ESRRG: variants seen among roughly 807,000 people sequenced by gnomAD.
ESRRG encodes the protein estrogen-related receptor gamma.
Under a neutral mutation model 44.0 loss-of-function variants are expected in ESRRG, and 13 were observed. The observed-to-expected ratio is 0.30, with a 90% CI of 0.19 to 0.47. The LOEUF (loss-of-function observed/expected upper bound fraction) is 0.47, where lower values mean the gene tolerates loss of function less well. Ranked by LOEUF, ESRRG falls within the 20% of genes least tolerant of loss-of-function variation. The probability of loss-of-function intolerance (pLI) is 1.00; values close to 1 mark genes in which losing one functional copy is unlikely to be tolerated. For synonymous variants in ESRRG, 215 were observed against 214.6 expected, an observed-to-expected ratio of 1.00 and a Z score of -0.02; for missense variants, 395 against 580.6, an observed-to-expected ratio of 0.68 and a Z score of 3.29.
intron 2 of ESRRG, among the ~76,000 whole-genome samples, chr1:216,793,382 T>G (rs538862974): frequency 6.6e-6 from 1 of 152,178 alleles, no homozygotes; most frequent in African/African-American, 2.4e-5. Flanking sequence ...TAAAAGACAC[T>G]GCAACTTCTG....
rs11811887 is a variant in ESRRG, at chr1:216,773,835, C to A, written c.-13-96344G>T. Among the ~76,000 whole-genome samples, 343 of 152,128 alleles carry A rather than the reference C, an allele frequency of 2.3e-3. 2 individuals are homozygous for A. Among genetic ancestry groups the A allele is most frequent in the African/African-American group, 7.7e-3 (320 of 41,508 alleles). On this transcript the variant is annotated intron_variant, in intron 2 of 7. Coordinates refer to the ESRRG transcript ENST00000359162. ...AATGAGAAGGCCTTTATAAATCAGG[C>A]AGTACAGCCCCTGATGGGTTCCTTG...
chr1:217,126,392 T>C (rs189516973), intron 1 of ESRRG, among the ~76,000 whole-genome samples: 390 of 152,300 alleles, frequency 2.6e-3, no homozygotes, highest in African/African-American at 9.0e-3. Context: ...AGTGGTACAG[T>C]GCAGAAAGGT....
rs191667252 is a variant in ESRRG, at chr1:216,776,450, A to G, written c.-13-98959T>C. On this transcript the variant is annotated intron_variant, in intron 2 of 7. Coordinates refer to the ESRRG transcript ENST00000359162. ...CTAGCCCTGTTCTAGCACTTACCAC[A>G]CTATCATAATCGCCTGTTCATGGGT... 9.6e-4 allele frequency among the ~76,000 whole-genome samples: 146 copies of G among 152,016 alleles called. 4 individuals are homozygous for G. Among genetic ancestry groups the G allele is most frequent in the Admixed American group, 9.5e-3 (145 of 15,246 alleles).
intron 2 of ESRRG, among the ~76,000 whole-genome samples, chr1:216,667,367 T>A (rs1465042001): frequency 6.6e-6 from 1 of 152,144 alleles, no homozygotes; most frequent in Non-Finnish European, 1.5e-5. Flanking sequence ...AGGTACTTTA[T>A]AAGTTCTGTT....
At chr1:216,568,163 TA>T (rs2060020084) in intron 3 of ESRRG, 65 bp from the exon 4 acceptor site, 1 of 1,086,568 alleles carries the variant, frequency 9.2e-7, no homozygotes, top group African/African-American at 1.5e-5. Flanking sequence ...ATCAAATACC[TA>T]GATGGTATCC....
At chr1:216,682,855 C>T (rs1193337275) in intron 1 of ESRRG, among the ~76,000 whole-genome samples, 1 of 151,968 alleles carries the variant, frequency 6.6e-6, no homozygotes, top group African/African-American at 2.4e-5. Flanking sequence ...ACTTCAAGCA[C>T]GCTACTTTAC....
At chr1:216,646,772 G>GA (rs1411045740) in intron 3 of ESRRG, among the ~76,000 whole-genome samples, 3 of 152,086 alleles carry the variant, frequency 2.0e-5, no homozygotes, top group Non-Finnish European at 2.9e-5. Context: ...TAAGGCAAAG[G>GA]AAAAAGCACA....
intron 2 of ESRRG, among the ~76,000 whole-genome samples, chr1:216,889,572 C>T (rs778107011): frequency 1.3e-5 from 2 of 152,206 alleles, no homozygotes; most frequent in Non-Finnish European, 2.9e-5. Context: ...ACCCATCGTG[C>T]ACCATACTCT....
In ESRRG at chr1:216,866,254, G is replaced by A. The variant is rs2576243; in HGVS notation, c.-14+73328C>T. ...GTACATACATACACACATTTTATTGGACAGTGTAGTAAGTGACCACAGTTG... is the reference window on the plus strand; with the variant it reads ...GTACATACATACACACATTTTATTGAACAGTGTAGTAAGTGACCACAGTTG... On this transcript the variant is annotated intron_variant, in intron 2 of 7. Transcript: ENST00000359162. Among the ~76,000 whole-genome samples, 689 of 152,180 alleles carry A rather than the reference G, an allele frequency of 4.5e-3. 9 individuals carry two copies. The highest frequency in any genetic ancestry group is 0.016 in the African/African-American group (661 of 41,526).
Position 217,109,041 on chromosome 1 carries a change from T to C in ESRRG, c.-230+28626A>G, listed in dbSNP as rs565090584. Reference sequence around the variant, plus strand: ...ATCGCATGGGCACATGTGTTGAAACTGTGGTATCTGATAGCCCATCCACAA... The same window carrying C: ...ATCGCATGGGCACATGTGTTGAAACCGTGGTATCTGATAGCCCATCCACAA... On this transcript the variant is annotated intron_variant, in intron 1 of 8. Coordinates refer to the ESRRG transcript ENST00000366940. 8.5e-5 allele frequency among the ~76,000 whole-genome samples: 13 copies of C among 152,230 alleles called. No individual in the cohort carries two copies. The East Asian group carries it at 2.5e-3, about 29-fold the overall frequency.
chr1:216,618,954 C>T (rs1359037947), intron 3 of ESRRG, among the ~76,000 whole-genome samples: 6 of 152,230 alleles, frequency 3.9e-5, no homozygotes, highest in Non-Finnish European at 8.8e-5. Context: ...GATTTACTGG[C>T]AAATACATCC....
At chr1:216,666,376 A>C (rs2073931896) in intron 2 of ESRRG, among the ~76,000 whole-genome samples, 2 of 152,232 alleles carry the variant, frequency 1.3e-5, no homozygotes, top group South Asian at 4.1e-4. Flanking sequence ...CATATGTACA[A>C]AAACATGCAT....
chr1:217,118,763 C>T (rs748924774), intron 1 of ESRRG, among the ~76,000 whole-genome samples: 5 of 151,838 alleles, frequency 3.3e-5, no homozygotes, highest in South Asian at 2.1e-4. Context: ...AGGCCAAGGC[C>T]GGAGGATCAC....
chr1:216,951,205 C>A (rs1405225654), intron 1 of ESRRG, among the ~76,000 whole-genome samples: 1 of 152,104 alleles, frequency 6.6e-6, no homozygotes, highest in African/African-American at 2.4e-5. Context: ...ATTTATAGCC[C>A]AATAAACTAT....
chr1:216,527,586 AT>A (rs2048057507), intron 5 of ESRRG, among the ~76,000 whole-genome samples: 1 of 151,928 alleles, frequency 6.6e-6, no homozygotes, highest in Admixed American at 6.6e-5. Context: ...AAGTGAGCTC[AT>A]TTTCCTAATC....
At chr1:217,053,404 G>A (rs1183238573) in intron 1 of ESRRG, among the ~76,000 whole-genome samples, 7 of 151,308 alleles carry the variant, frequency 4.6e-5, no homozygotes, top group African/African-American at 1.2e-4. Flanking sequence ...GCAGTGAGCC[G>A]AGATTGCGCC....
chr1:216,941,421 A>AACTTGAAACTTGTCAT (rs1182948510), intron 1 of ESRRG, among the ~76,000 whole-genome samples: 2 of 152,172 alleles, frequency 1.3e-5, no homozygotes, highest in African/African-American at 4.8e-5. Flanking sequence ...GTTAACATTT[A>AACTTGAAACTTGTCAT]AACTCTACAA....
chr1:216,587,740 G>A (rs1168821519), intron 3 of ESRRG, among the ~76,000 whole-genome samples: 1 of 152,152 alleles, frequency 6.6e-6, no homozygotes, highest in Admixed American at 6.5e-5. Context: ...CCATTAAGGA[G>A]TAAGAAGCAT....
chr1:216,844,284 G>C (rs921588772), intron 2 of ESRRG, among the ~76,000 whole-genome samples: 3 of 152,102 alleles, frequency 2.0e-5, no homozygotes, highest in African/African-American at 7.2e-5. Context: ...AAATAGGTGG[G>C]TATTGTCAGT....
Sources: gnomAD v4.1 joint callset for allele counts (sites outside exome capture counted in the v4.1 genomes callset) on GRCh38, gnomAD v4.1.1 for gene constraint, MANE v1.5 for transcripts, NCBI Gene and HGNC (gene_info 2026-07-23, HGNC 2026-07-21) for gene names.